The following MRPL37 variants were observed in gnomAD, a reference collection of about 807,000 sequenced individuals.
MRPL37 encodes the protein mitochondrial ribosomal protein L37, also known as large ribosomal subunit protein mL37.
In MRPL37, 34 loss-of-function variants were observed where a neutral mutation model predicts 44.1. That is an observed-to-expected ratio of 0.77 (90% CI 0.59 to 1.03). The LOEUF (loss-of-function observed/expected upper bound fraction) is 1.03, where lower values mean the gene tolerates loss of function less well. Among genes scored for constraint, MRPL37 ranks in the 50% least tolerant of loss-of-function variants. The pLI, the probability that MRPL37 is intolerant of heterozygous loss-of-function variation, is 0.00. For synonymous variants in MRPL37, 212 were observed against 219.5 expected (o/e 0.97, Z 0.30); for missense variants, 532 against 543.7 (o/e 0.98, Z 0.21).
At chr1:54,218,507 A>T, downstream of MRPL37, 1 of 794,632 alleles carries the variant, frequency 1.3e-6, no homozygotes, top group Non-Finnish European at 1.8e-6. Context: ...TTAGATAAGG[A>T]TCTTCATCTG....
At chr1:54,223,806 T>C (rs1644253986), downstream of MRPL37, among the ~76,000 whole-genome samples, 3 of 152,230 alleles carry the variant, frequency 2.0e-5, no homozygotes, top group Non-Finnish European at 4.4e-5. Flanking sequence ...TTTCTCCTCC[T>C]CATTTCAGTA....
Position 54,218,176 on chromosome 1 carries a change from CT to C in MRPL37, c.1200del (p.Val401LeufsTer15), listed in dbSNP as rs773260233. 6.2e-7 allele frequency: 1 copy of C among 1,614,080 alleles called. No individual in the cohort carries two copies. Among genetic ancestry groups the C allele is most frequent in the Non-Finnish European group, 8.5e-7 (1 of 1,179,922 alleles). ...AATGAACCGTGTTCTTTCCAGGAAC[CT>C]GTTGGCCCAGTTGGTTTCAAGCCAG... ...PVIKKRVVVE[P>X]VGPVGFKPET... On this transcript the variant is annotated frameshift_variant, in exon 7 of 7. Coordinates refer to ENST00000360840, the MANE Select transcript of MRPL37 (RefSeq NM_016491.4). LOFTEE classifies it high-confidence loss of function.
At chr1:54,223,452 G>T (rs1644249933), downstream of MRPL37, among the ~76,000 whole-genome samples, 1 of 152,202 alleles carries the variant, frequency 6.6e-6, no homozygotes, top group South Asian at 2.1e-4. Flanking sequence ...GATTCCTCAG[G>T]TCACCAGGGA....
chr1:54,201,041 G>A (rs1221913790), intron 1 of MRPL37, among the ~76,000 whole-genome samples: 1 of 152,208 alleles, frequency 6.6e-6, no homozygotes, highest in Admixed American at 6.5e-5. Context: ...CACCTCTTAA[G>A]CCCATGACTA....
intron 3 of MRPL37, 123 bp downstream of exon 3, chr1:54,205,533 C>T: frequency 6.3e-6 from 5 of 791,022 alleles, no homozygotes; most frequent in South Asian, 1.8e-5. Flanking sequence ...CATTCGTGGT[C>T]TCGTTTTGTA....
chr1:54,222,150 G>A (rs540020195), downstream of MRPL37, among the ~76,000 whole-genome samples: 1 of 152,308 alleles, frequency 6.6e-6, no homozygotes, highest in African/African-American at 2.4e-5. Context: ...ACCTGTGCTG[G>A]CAATTCTCAG....
intron 3 of MRPL37, among the ~76,000 whole-genome samples, chr1:54,208,178 G>GT (rs1487341083): frequency 6.6e-6 from 1 of 152,170 alleles, no homozygotes; most frequent in Non-Finnish European, 1.5e-5. Flanking sequence ...CAGTGAGGCT[G>GT]TTTGACTGGC....
Position 54,200,417 on chromosome 1 carries a change from C to G in MRPL37, c.174C>G (p.Ile58Met). ...RVYEIPGLEP[I>M]TFAGKMHFVP... is the part of the protein sequence containing the mutation. ...ACGAGATCCCTGGACTGGAGCCCATCACCTTTGCGGGGAAGATGCACTTCG... is the reference window on the plus strand; with the variant it reads ...ACGAGATCCCTGGACTGGAGCCCATGACCTTTGCGGGGAAGATGCACTTCG... Residue 58 changes from isoleucine (I) to methionine (M), a missense_variant, in exon 1 of 7, where the codon ATC becomes ATG. Coordinates refer to ENST00000360840, the MANE Select transcript of MRPL37 (RefSeq NM_016491.4). 1 of 1,614,250 alleles carries G rather than the reference C, an allele frequency of 6.2e-7. No individual in the cohort carries two copies. Among genetic ancestry groups the G allele is most frequent in the East Asian group, 2.2e-5 (1 of 44,868 alleles).
downstream of MRPL37, among the ~76,000 whole-genome samples, chr1:54,223,609 G>A (rs1644252334): frequency 6.6e-6 from 1 of 152,198 alleles, no homozygotes; most frequent in Admixed American, 6.5e-5. Context: ...CAGCAGGGAG[G>A]CAGGTGTGGG....
At chr1:54,219,421 G>A (rs1644219058), downstream of MRPL37, among the ~76,000 whole-genome samples, 2 of 152,194 alleles carry the variant, frequency 1.3e-5, no homozygotes, top group Non-Finnish European at 1.5e-5. Flanking sequence ...TTAGGCTTGA[G>A]GGATTAGCAG....
At chr1:54,206,041 T>C (rs1644119252) in intron 3 of MRPL37, among the ~76,000 whole-genome samples, 1 of 152,246 alleles carries the variant, frequency 6.6e-6, no homozygotes, top group Non-Finnish European at 1.5e-5. Flanking sequence ...CCTTTGCACA[T>C]GCTGTGCATT....
At chr1:54,224,668 G>A (rs971035077), downstream of MRPL37, among the ~76,000 whole-genome samples, 4 of 138,092 alleles carry the variant, frequency 2.9e-5, no homozygotes, top group Admixed American at 1.4e-4. Context: ...CACGGCATCC[G>A]CTCCTGCTAC....
intron 3 of MRPL37, among the ~76,000 whole-genome samples, chr1:54,206,038 A>G (rs1181604813): frequency 1.3e-5 from 2 of 152,032 alleles, no homozygotes; most frequent in Non-Finnish European, 2.9e-5. Flanking sequence ...GTGCCTTTGC[A>G]CATGCTGTGC....
At position 54,209,876 on chromosome 1, in the gene MRPL37, C is replaced by T. The variant is rs975034026; in HGVS notation, c.647-70C>T. On this transcript the variant is annotated intron_variant, in intron 3 of 6. Transcript: ENST00000360840. The stretch of plus-strand genomic sequence containing the variant: ...CCTCCCAAAGTGCTGGGATTATAGG[C>T]ATGAGCTACTGCGCCTAGCTGCGAA... 1.0e-5 allele frequency: 15 copies of T among 1,498,712 alleles called. No homozygotes were observed. In the East Asian group the frequency reaches 3.4e-4, roughly 34 times the overall value. 92.8% of individuals were successfully genotyped at this position (1,498,712 alleles called of 1,614,324 possible). A position where few individuals can be genotyped will look rare whatever the true frequency, so the allele number is the denominator to read the frequency against.
intron 5 of MRPL37, among the ~76,000 whole-genome samples, chr1:54,214,293 T>G (rs1041785419): frequency 2.6e-5 from 4 of 152,206 alleles, no homozygotes; most frequent in African/African-American, 9.7e-5. Context: ...TGCTATTAGC[T>G]TCATTTTATA....
At chr1:54,223,917 G>A (rs1285700736), downstream of MRPL37, among the ~76,000 whole-genome samples, 1 of 152,244 alleles carries the variant, frequency 6.6e-6, no homozygotes, top group East Asian at 1.9e-4. Context: ...CTGCCCCTGA[G>A]GAAGGCCAAA....
At chr1:54,202,365 T>A (rs1323260918) in intron 1 of MRPL37, among the ~76,000 whole-genome samples, 1 of 151,998 alleles carries the variant, frequency 6.6e-6, no homozygotes, top group Non-Finnish European at 1.5e-5. Context: ...GATCTTAAAG[T>A]GAAAAGTCTT....
Position 54,205,297 on chromosome 1 carries a change from C to T in MRPL37, c.533C>T (p.Pro178Leu), listed in dbSNP as rs764632084. 3 of 1,612,386 alleles carry T rather than the reference C, an allele frequency of 1.9e-6. No homozygotes were observed. Among genetic ancestry groups the T allele is most frequent in the African/African-American group, 1.3e-5 (1 of 74,986 alleles). ...AAATGTCTCTTTTTGTCTTCAAGCC[C>T]GGTCATCGTGGACAACCTAATACAG... ...EEIPKRETYCPVIVDNLIQLC... is the reference protein window; with the variant it reads ...EEIPKRETYCLVIVDNLIQLC... The change falls in exon 3 of 7, where the codon CCG becomes CTG. Residue 178 changes from proline to leucine, a missense_variant and splice_region_variant. Coordinates refer to ENST00000360840, the MANE Select transcript of MRPL37 (RefSeq NM_016491.4).
chr1:54,209,980 A>G lies in MRPL37; in HGVS notation c.681A>G (p.Gly227=). The change falls in exon 4 of 7, where the codon GGA becomes GGG. Residue 227 remains glycine (G), a synonymous_variant. Transcript: ENST00000360840. ...TCCTTCAAGTCCGTGGTTCTGGTGG[A>G]GCCCGACTGAGCACTAAGGATCCTC... ...SLLLQVRGSG[G]ARLSTKDPLP... is the part of the protein sequence containing the mutation. 6.2e-7 allele frequency: 1 copy of G among 1,614,162 alleles called. No homozygotes were observed. Among genetic ancestry groups the G allele is most frequent in the Non-Finnish European group, 8.5e-7 (1 of 1,180,030 alleles).
Sources: gnomAD v4.1 joint callset for allele counts (sites outside exome capture counted in the v4.1 genomes callset) on GRCh38, gnomAD v4.1.1 for gene constraint, MANE v1.5 for transcripts, NCBI Gene and HGNC (gene_info 2026-07-23, HGNC 2026-07-21) for gene names.